Variants in ADK observed in about 807,000 individuals in gnomAD.
ADK encodes the protein adenosine kinase, also known as N6,N6-dimethyladenosine kinase.
Under a neutral mutation model 44.7 loss-of-function variants are expected in ADK, and 24 were observed. The ratio of observed to expected loss-of-function variants is 0.54; its 90% CI spans 0.39 to 0.76. The LOEUF (loss-of-function observed/expected upper bound fraction) is 0.76. Among genes scored for constraint, ADK ranks in the 30% least tolerant of loss-of-function variants. The pLI is 0.00. For synonymous variants in ADK, 128 were observed against 142.6 expected (o/e 0.90, Z 0.73); for missense variants, 321 against 425.1 (o/e 0.76, Z 2.15).
intron 10 of ADK, among the ~76,000 whole-genome samples, chr10:74,689,181 G>A (rs1043868302): frequency 2.6e-4 from 38 of 148,586 alleles, no homozygotes; most frequent in Non-Finnish European, 5.2e-4. Context: ...CCTGGGAGGT[G>A]GAGCTTGCAG....
At chr10:74,573,997 C>G (rs1851076120) in intron 7 of ADK, among the ~76,000 whole-genome samples, 1 of 152,194 alleles carries the variant, frequency 6.6e-6, no homozygotes, top group Non-Finnish European at 1.5e-5. Flanking sequence ...GGCTCACGCA[C>G]AGTGCGCTGC....
At position 74,653,454 on chromosome 10, in the gene ADK, AAATAAT is replaced by A. The variant is rs1330728545; in HGVS notation, c.878-16720_878-16715del. Among the ~76,000 whole-genome samples the A allele has an allele frequency of 2.0e-5, 3 of 152,102 alleles. No individual in the cohort carries two copies. In the East Asian group the frequency reaches 5.8e-4, roughly 29 times the overall value. ...GTGACAGAGCAAGACTCCATCTCAAAAATAATAATAATAAGGAATAACATGCGTATG... is the reference window on the plus strand; with the variant it reads ...GTGACAGAGCAAGACTCCATCTCAAAAATAATAAGGAATAACATGCGTATG... On this transcript the variant is annotated intron_variant, in intron 9 of 10. Transcript: ENST00000539909.
chr10:74,394,979 A>G (rs1161551044), intron 5 of ADK, among the ~76,000 whole-genome samples: 1 of 152,196 alleles, frequency 6.6e-6, no homozygotes, highest in Non-Finnish European at 1.5e-5. Context: ...TTTTGTACCC[A>G]CATGGAGATA....
chr10:74,280,557 C>G (rs1399413647), intron 3 of ADK, among the ~76,000 whole-genome samples: 2 of 152,128 alleles, frequency 1.3e-5, no homozygotes, highest in Non-Finnish European at 2.9e-5. Flanking sequence ...GGGTGTTTAC[C>G]CCTATGCCCA....
At chr10:74,194,283 T>C (rs934447511) in intron 1 of ADK, among the ~76,000 whole-genome samples, 9 of 152,314 alleles carry the variant, frequency 5.9e-5, no homozygotes, top group African/African-American at 1.9e-4. Context: ...TAAAATAGTT[T>C]GTATATATTA....
intron 3 of ADK, among the ~76,000 whole-genome samples, chr10:74,231,151 C>A (rs1289521620): frequency 6.6e-6 from 1 of 152,138 alleles, no homozygotes; most frequent in Non-Finnish European, 1.5e-5. Context: ...TTAATTACTT[C>A]CAAATACAAG....
rs752385282 is a variant in ADK, at chr10:74,238,856, C to CTTTT, written c.194+14286_194+14289dup. Among the ~76,000 whole-genome samples the CTTTT allele has an allele frequency of 7.7e-4, 68 of 88,170 alleles. 3 individuals are homozygous for CTTTT. Among genetic ancestry groups the CTTTT allele is most frequent in the African/African-American group, 2.4e-3 (50 of 21,000 alleles). 57.8% of individuals were successfully genotyped at this position (88,170 alleles called of 152,430 possible). ...TTGAAAACTGCCACTTTAGCTAGTGCTTTTTTTTTTTTTTTTTTTTTTTTA... is the reference window on the plus strand; with the variant it reads ...TTGAAAACTGCCACTTTAGCTAGTGCTTTTTTTTTTTTTTTTTTTTTTTTTTTTA... On this transcript the variant is annotated intron_variant, in intron 3 of 10. Transcript: ENST00000539909.
chr10:74,453,650 T>G (rs1453319708), intron 6 of ADK, among the ~76,000 whole-genome samples: 4 of 152,104 alleles, frequency 2.6e-5, no homozygotes, highest in Admixed American at 6.5e-5. Context: ...TTCTCTTTTC[T>G]CTACTCTCCC....
intron 9 of ADK, 101 bp downstream of exon 9, chr10:74,600,594 A>G (rs1465187751): frequency 2.8e-6 from 1 of 356,960 alleles, no homozygotes; most frequent in Non-Finnish European, 5.0e-6. Flanking sequence ...CAATATACAT[A>G]TACAATATAT....
intron 7 of ADK, among the ~76,000 whole-genome samples, chr10:74,530,829 G>T (rs1440758865): frequency 6.6e-6 from 1 of 152,150 alleles, no homozygotes; most frequent in Non-Finnish European, 1.5e-5. Flanking sequence ...GGTGGCTGAG[G>T]CATGAGAATT....
intron 10 of ADK, among the ~76,000 whole-genome samples, chr10:74,677,724 C>T (rs941014303): frequency 6.6e-6 from 1 of 152,112 alleles, no homozygotes; most frequent in African/African-American, 2.4e-5. Flanking sequence ...ATGTCAACAA[C>T]TCTTTTTCTT....
In ADK at chr10:74,333,074, T is replaced by G. The variant is rs538005357; in HGVS notation, c.273+18329T>G. On this transcript the variant is annotated intron_variant, in intron 4 of 10. Coordinates refer to ENST00000539909, the MANE Select transcript of ADK (RefSeq NM_006721.4). ...AAAAAAAAACTAAATATCTTTTCAC[T>G]TTCCATTCTAACAGTTACTTGGAGT... Among the ~76,000 whole-genome samples the G allele has an allele frequency of 2.6e-5, 4 of 152,296 alleles. No homozygotes were observed. The South Asian group carries it at 8.3e-4, about 32-fold the overall frequency.
intron 4 of ADK, among the ~76,000 whole-genome samples, chr10:74,337,355 A>T (rs981861861): frequency 6.6e-6 from 1 of 152,208 alleles, no homozygotes; most frequent in Non-Finnish European, 1.5e-5. Context: ...GTGGACTGCC[A>T]TACAGAAGAC....
At chr10:74,419,338 C>T (rs1034509338) in intron 6 of ADK, among the ~76,000 whole-genome samples, 2 of 151,996 alleles carry the variant, frequency 1.3e-5, no homozygotes, top group African/African-American at 2.4e-5. Flanking sequence ...CCCCAAAAAT[C>T]CCTTATTTAA....
intron 7 of ADK, among the ~76,000 whole-genome samples, chr10:74,550,099 C>G (rs891183669): frequency 7.0e-6 from 1 of 142,872 alleles, no homozygotes; most frequent in African/African-American, 2.6e-5. Flanking sequence ...GAGATGGAGT[C>G]TCATTCTGTC....
chr10:74,471,192 A>G (rs1846574068), intron 6 of ADK, among the ~76,000 whole-genome samples: 1 of 151,558 alleles, frequency 6.6e-6, no homozygotes, highest in African/African-American at 2.4e-5. Flanking sequence ...CTCCTGCCTC[A>G]GCCTCCCAAG....
Position 74,414,143 on chromosome 10 carries a change from C to T in ADK, c.555+15564C>T, listed in dbSNP as rs139691525. Among the ~76,000 whole-genome samples, 5 of 152,136 alleles carry T rather than the reference C, an allele frequency of 3.3e-5. No individual in the cohort carries two copies. The East Asian group carries it at 5.8e-4, about 18-fold the overall frequency. ...TACCAAAATATGACAGAGATCCAAG[C>T]GAGCACATTCTGTTGGAAAATAATG... On this transcript the variant is annotated intron_variant, in intron 6 of 10. Transcript: ENST00000539909.
rs148172184 is a variant in ADK at position 74,242,246 on chromosome 10, A to G, written c.194+17655A>G. 3.4e-3 allele frequency among the ~76,000 whole-genome samples: 519 copies of G among 152,368 alleles called. 1 individual carries two copies. Among genetic ancestry groups the G allele is most frequent in the African/African-American group, 0.012 (480 of 41,582 alleles). On this transcript the variant is annotated intron_variant, in intron 3 of 10. Transcript: ENST00000539909. ...ATGTTTAATTCCTTTACTTTAAGAA[A>G]AAGCATCATAATTAGAAGGGAGAAT...
At chr10:74,471,927 A>G (rs1311083859) in intron 6 of ADK, among the ~76,000 whole-genome samples, 1 of 152,036 alleles carries the variant, frequency 6.6e-6, no homozygotes, top group Non-Finnish European at 1.5e-5. Context: ...TAGGCTTTTT[A>G]TACATACAAG....
Sources: gnomAD v4.1 joint callset for allele counts (sites outside exome capture counted in the v4.1 genomes callset) on GRCh38, gnomAD v4.1.1 for gene constraint, MANE v1.5 for transcripts, NCBI Gene and HGNC (gene_info 2026-07-23, HGNC 2026-07-21) for gene names.